Variants in ASMTL observed in about 807,000 individuals in gnomAD.
ASMTL encodes acetylserotonin O-methyltransferase like.
In ASMTL, 57 loss-of-function variants were observed where a neutral mutation model predicts 60.3. That is an observed-to-expected ratio of 0.95 (90% CI 0.76 to 1.18). The LOEUF is 1.18. Among genes scored for constraint, ASMTL ranks in the 50% most tolerant of loss-of-function variants. The pLI, the probability that ASMTL is intolerant of heterozygous loss-of-function variation, is 0.00. For missense variants in ASMTL, 981 were observed against 852.6 expected, an observed-to-expected ratio of 1.15 and a Z score of -1.88; for synonymous variants, 419 against 373.0, an observed-to-expected ratio of 1.12 and a Z score of -1.42.
At chrX:1,410,951 C>T (rs2089994885) in intron 12 of ASMTL, among the ~76,000 whole-genome samples, 1 of 151,658 alleles carries the variant, frequency 6.6e-6, no homozygotes, top group African/African-American at 2.4e-5. Flanking sequence ...TTTGGGAGTC[C>T]CAGCTGGGTG....
At position 1,435,679 on chromosome X, in the gene ASMTL, C is replaced by T; in HGVS notation, c.338+15G>A. 6.2e-7 allele frequency: 1 copy of T among 1,613,378 alleles called. No individual in the cohort carries two copies. On this transcript the variant is annotated intron_variant, in intron 4 of 12. Transcript: ENST00000381317. ...TCAGAACCCGAGAGGGCTCAGAGGC[C>T]AACATGGTGCTTACCGGGACAGCAT...
At chrX:1,431,917 G>A in intron 6 of ASMTL, 1 of 282,684 alleles carries the variant, frequency 3.5e-6, no homozygotes, top group Non-Finnish European at 6.7e-6. Context: ...TTGGATCACA[G>A]AGTTTATTCG....
rs776460727 is a variant in ASMTL at position 1,437,433 on chromosome X, G to A, written c.273+1664C>T. On this transcript the variant is annotated intron_variant, in intron 3 of 12. Transcript: ENST00000381317. ...AGTCTGAGATCCAGGTGTGGGCAGG[G>A]CTGGTTCCTCCTGAGGCCTCTCTCC... Among the ~76,000 whole-genome samples the A allele has an allele frequency of 1.0e-4, 15 of 150,590 alleles. No homozygotes were observed. The South Asian group carries it at 2.9e-3, about 29-fold the overall frequency.
intron 2 of ASMTL, among the ~76,000 whole-genome samples, chrX:1,439,727 T>A (rs1238343507): frequency 6.6e-6 from 1 of 150,576 alleles, no homozygotes; most frequent in Admixed American, 6.7e-5. Context: ...TCTCAGCTAC[T>A]CAGGAGGCTG....
chrX:1,405,393 T>A (rs1470039564), intron 12 of ASMTL, among the ~76,000 whole-genome samples: 3 of 142,054 alleles, frequency 2.1e-5, no homozygotes, highest in Non-Finnish European at 3.1e-5. Context: ...GGTAGGTAGG[T>A]AGATAGATGG....
chrX:1,404,138 G>A (rs748130007), intron 12 of ASMTL, among the ~76,000 whole-genome samples: 57 of 148,730 alleles, frequency 3.8e-4, no homozygotes, highest in African/African-American at 1.2e-3. Flanking sequence ...GGATGGTTGG[G>A]TGAATAGATG....
At chrX:1,411,257 T>C (rs2090009134) in intron 12 of ASMTL, among the ~76,000 whole-genome samples, 2 of 151,744 alleles carry the variant, frequency 1.3e-5, no homozygotes, top group Non-Finnish European at 2.9e-5. Context: ...AGAATGGAAG[T>C]CTCTTGACCA....
chrX:1,435,765 G>C lies in ASMTL; in HGVS notation c.274-7C>G. 6.2e-7 allele frequency: 1 copy of C among 1,613,298 alleles called. No homozygotes were observed. The highest frequency in any genetic ancestry group is 8.5e-7 in the Non-Finnish European group (1 of 1,179,510). ...GAATCAGCCCCCCGACTGTCTGTGA[G>C]AGGAAGGGACAGAGGGAGTTGGTTC... is the stretch of plus-strand genomic sequence containing the variant. On this transcript the variant is annotated splice_polypyrimidine_tract_variant and splice_region_variant and intron_variant, in intron 3 of 12. Coordinates refer to ENST00000381317, the MANE Select transcript of ASMTL (RefSeq NM_004192.4).
intron 8 of ASMTL, among the ~76,000 whole-genome samples, chrX:1,424,996 ACCATCCAT>A (rs772737627): frequency 0.02 from 759 of 37,548 alleles, 10 homozygotes; most frequent in African/African-American, 0.06. Flanking sequence ...CTATCCACCT[ACCATCCAT>A]CCATCCATCC....
intron 1 of ASMTL, among the ~76,000 whole-genome samples, chrX:1,447,847 A>G (rs2091262392): frequency 6.6e-6 from 1 of 150,744 alleles, no homozygotes; most frequent in Admixed American, 6.6e-5. Flanking sequence ...CATCTTGGAC[A>G]CACACCATCT....
At chrX:1,424,423 A>G (rs2090557544) in intron 8 of ASMTL, among the ~76,000 whole-genome samples, 2 of 59,424 alleles carry the variant, frequency 3.4e-5, no homozygotes, top group South Asian at 8.9e-4. Flanking sequence ...CACACTCCCA[A>G]TCATCCACCC....
chrX:1,451,876 C>T (rs1257262317), intron 1 of ASMTL, among the ~76,000 whole-genome samples: 3 of 146,558 alleles, frequency 2.0e-5, no homozygotes, highest in Non-Finnish European at 1.5e-5. Context: ...ACTCTGCTGT[C>T]CCCATCCCTA....
intron 1 of ASMTL, among the ~76,000 whole-genome samples, chrX:1,451,348 C>A: frequency 6.7e-6 from 1 of 149,736 alleles, no homozygotes; most frequent in African/African-American, 2.5e-5. Flanking sequence ...CTCCCCTCCC[C>A]ATTCCTTGGG....
chrX:1,413,145 CTG>C (rs2090100991), intron 11 of ASMTL: 1 of 413,372 alleles, frequency 2.4e-6, no homozygotes, highest in Non-Finnish European at 4.4e-6. Context: ...GGCAGATTGT[CTG>C]AGCTCAGGAG....
intron 12 of ASMTL, among the ~76,000 whole-genome samples, chrX:1,411,100 C>G (rs1460641244): frequency 6.6e-6 from 1 of 152,060 alleles, no homozygotes; most frequent in Non-Finnish European, 1.5e-5. Flanking sequence ...AGGAGAATCA[C>G]TTGAACCCTG....
chrX:1,431,652 T>A (rs1256795398), intron 6 of ASMTL, among the ~76,000 whole-genome samples: 1 of 146,914 alleles, frequency 6.8e-6, no homozygotes, highest in Non-Finnish European at 1.5e-5. Context: ...ATATAATTTG[T>A]ATAATGTAGA....
chrX:1,407,884 C>G (rs2089925396), intron 12 of ASMTL, among the ~76,000 whole-genome samples: 2 of 150,804 alleles, frequency 1.3e-5, no homozygotes, highest in East Asian at 3.9e-4. Flanking sequence ...GAGGAGGAGA[C>G]AGAGAGGAAG....
At chrX:1,453,119 C>T (rs1259604645), upstream of ASMTL, among the ~76,000 whole-genome samples, 1 of 150,474 alleles carries the variant, frequency 6.6e-6, no homozygotes, top group Non-Finnish European at 1.5e-5. Flanking sequence ...CCATTGATCT[C>T]CCCTGAGACC....
At position 1,452,849 on chromosome X, in the gene ASMTL, C is replaced by A. The variant is rs1452114099; in HGVS notation, c.-9G>T. The A allele has an allele frequency of 1.3e-6, 2 of 1,559,050 alleles. No individual in the cohort carries two copies. Among genetic ancestry groups the A allele is most frequent in the South Asian group, 1.2e-5 (1 of 85,400 alleles). On this transcript the variant is annotated 5_prime_UTR_variant, in exon 1 of 13. Transcript: ENST00000381317. The stretch of plus-strand genomic sequence containing the variant: ...ACCGGGCACAGCACCATGGCGTCCA[C>A]GCCGGGAGCCGGGCGTCCGCACTTC...
Sources: gnomAD v4.1 joint callset for allele counts (sites outside exome capture counted in the v4.1 genomes callset) on GRCh38, gnomAD v4.1.1 for gene constraint, MANE v1.5 for transcripts, NCBI Gene and HGNC (gene_info 2026-07-23, HGNC 2026-07-21) for gene names.